The following ATG16L2 variants were observed in gnomAD, a reference collection of about 807,000 sequenced individuals.
The protein encoded by ATG16L2 is protein Atg16l2.
ATG16L2 carries 77 observed loss-of-function variants against 84.7 expected under a neutral mutation model. The observed-to-expected ratio is 0.91, with a 90% CI of 0.76 to 1.10. The LOEUF is 1.10. ATG16L2 is among the 50% of genes least tolerant of loss of function. The pLI is 0.00. For synonymous variants in ATG16L2, 361 were observed against 342.8 expected, an observed-to-expected ratio of 1.05 and a Z score of -0.59; for missense variants, 782 against 817.6, an observed-to-expected ratio of 0.96 and a Z score of 0.53.
intron 5 of ATG16L2, among the ~76,000 whole-genome samples, chr11:72,839,234 A>G (rs1860828069): frequency 2.6e-5 from 4 of 152,232 alleles, no homozygotes. Context: ...GTTACAAAAG[A>G]GAAGGCTAGA....
In ATG16L2 at chr11:72,826,608, G is replaced by A. The variant is rs200042497; in HGVS notation, c.1245+19G>A. ...GTCCAAGGTGAGGCCTGACTGGGGA[G>A]GCTGCCTGGAGGTCAGAGGTCATAC... On this transcript the variant is annotated intron_variant, in intron 12 of 17. Transcript: ENST00000321297. The A allele has an allele frequency of 3.6e-4, 575 of 1,614,126 alleles. 3 individuals carry two copies. The South Asian group carries it at 5.9e-3, about 17-fold the overall frequency.
Position 72,824,059 on chromosome 11 carries a change from G to C in ATG16L2, c.825-1G>C. On this transcript the variant is annotated splice_acceptor_variant, in intron 7 of 17. Transcript: ENST00000321297. LOFTEE classifies it high-confidence loss of function. ...GCATATCTCTCTTGGTTTTGTCTCA[G>C]GTCTGCCTCAGCCACCTCCCTGACG... 6.2e-7 allele frequency: 1 copy of C among 1,614,246 alleles called. No individual in the cohort carries two copies. The highest frequency in any genetic ancestry group is 1.3e-5 in the African/African-American group (1 of 75,066).
chr11:72,815,616 C>T (rs1859660697), intron 1 of ATG16L2, among the ~76,000 whole-genome samples: 1 of 151,522 alleles, frequency 6.6e-6, no homozygotes, highest in Non-Finnish European at 1.5e-5. Context: ...CAGATCACAT[C>T]GCTAAGCCTC....
At chr11:72,823,534 CTCT>C (rs1555033481) in intron 7 of ATG16L2, 1 of 398,734 alleles carries the variant, frequency 2.5e-6, no homozygotes, top group Non-Finnish European at 4.9e-6. Context: ...AGCCTAACAC[CTCT>C]TCTCAGTCTT....
chr11:72,826,239 C>T lies in ATG16L2; in HGVS notation c.1169C>T (p.Pro390Leu). The change falls in exon 11 of 18, where the codon CCC becomes CTC. Residue 390 changes from proline to leucine, a missense_variant. By Grantham distance (98) the Pro-to-Leu change is moderately conservative. Coordinates refer to ENST00000321297, the MANE Select transcript of ATG16L2 (RefSeq NM_033388.2). ...AGCATCACCAGTGTGGACTTTGACC[C>T]CTCGGTGAGGAACTCTGCCCCAGTG... ...GGSITSVDFD[P>L]SGYQVLAATY... 1 of 1,613,794 alleles carries T rather than the reference C, an allele frequency of 6.2e-7. No individual in the cohort carries two copies. Among genetic ancestry groups the T allele is most frequent in the Non-Finnish European group, 8.5e-7 (1 of 1,179,854 alleles).
exon 6 of ATG16L2, chr11:72,843,321 T>C: frequency 5.6e-6 from 9 of 1,613,448 alleles, no homozygotes; most frequent in Non-Finnish European, 6.8e-6. Context: ...GCCAACTTTA[T>C]TTCGAGCCTG....
intron 5 of ATG16L2, chr11:72,841,557 G>A (rs534623034): frequency 1.2e-6 from 2 of 1,610,262 alleles, no homozygotes; most frequent in Admixed American, 3.4e-5. Flanking sequence ...GAGGCAGGGA[G>A]GCGTGTGGCT....
At chr11:72,835,880 C>G (rs1860715396) in intron 5 of ATG16L2, among the ~76,000 whole-genome samples, 1 of 151,860 alleles carries the variant, frequency 6.6e-6, no homozygotes, top group Non-Finnish European at 1.5e-5. Flanking sequence ...TCCAGAGTAA[C>G]TGGGATTACA....
At chr11:72,829,090 C>A in intron 17 of ATG16L2, 106 bp downstream of exon 17, 1 of 1,245,696 alleles carries the variant, frequency 8.0e-7, no homozygotes, top group Non-Finnish European at 1.2e-6. Flanking sequence ...TGTCCCTCCA[C>A]CTTCCACCCG....
Position 72,826,736 on chromosome 11 carries a change from G to C in ATG16L2, c.1279G>C (p.Ala427Pro). 4 of 1,614,152 alleles carry C rather than the reference G, an allele frequency of 2.5e-6. No homozygotes were observed. Among genetic ancestry groups the C allele is most frequent in the Non-Finnish European group, 3.4e-6 (4 of 1,180,016 alleles). Residue 427 changes from alanine to proline, a missense_variant, in exon 13 of 18, where the codon GCT becomes CCT. Coordinates refer to ENST00000321297, the MANE Select transcript of ATG16L2 (RefSeq NM_033388.2). ...TLSGHKDKVT[A>P]AKFKLTRHQA... is the part of the protein sequence containing the mutation. ...GTCTGGACACAAGGATAAGGTGACA[G>C]CTGCCAAATTCAAGCTAACGAGGCA... is the stretch of plus-strand genomic sequence containing the variant.
chr11:72,816,832 G>A lies in ATG16L2; in HGVS notation c.218+5G>A, dbSNP rs1464598166. 1.5e-5 allele frequency: 25 copies of A among 1,612,968 alleles called. No homozygotes were observed. Among genetic ancestry groups the A allele is most frequent in the Non-Finnish European group, 2.0e-5 (24 of 1,179,028 alleles). The stretch of plus-strand genomic sequence containing the variant: ...CACCACCCACCAGGGCCCCTGGTAA[G>A]TGTATGTGGGTCCGTGGTCACAAAG... On this transcript the variant is annotated splice_donor_5th_base_variant and intron_variant, in intron 2 of 17. Transcript: ENST00000321297.
chr11:72,842,452 C>T (rs182991888), intron 5 of ATG16L2, among the ~76,000 whole-genome samples: 2 of 152,354 alleles, frequency 1.3e-5, no homozygotes, highest in East Asian at 3.9e-4. Flanking sequence ...CCACAAGGGA[C>T]TGACTGACAA....
At position 72,814,675 on chromosome 11, in the gene ATG16L2, G is replaced by T. The variant is rs905748365; in HGVS notation, c.118+112G>T. 7 of 805,698 alleles carry T rather than the reference G, an allele frequency of 8.7e-6. No individual in the cohort carries two copies. In the South Asian group the frequency reaches 9.6e-5, roughly 11 times the overall value. 49.9% of individuals were successfully genotyped at this position (805,698 alleles called of 1,614,324 possible). On this transcript the variant is annotated intron_variant, in intron 1 of 17. Coordinates refer to ENST00000321297, the MANE Select transcript of ATG16L2 (RefSeq NM_033388.2). ...GTGACCCGAGTGCGCTGTGCCTTAT[G>T]CCTTGAGCCTGTGCGTTACGCCCAT...
At chr11:72,842,936 C>A in exon 6 of ATG16L2, 1 of 1,001,594 alleles carries the variant, frequency 1.0e-6, no homozygotes, top group Non-Finnish European at 1.5e-6. Flanking sequence ...AAAAGAGCAT[C>A]ATACAGAATA....
intron 9 of ATG16L2, 120 bp from the exon 10 acceptor site, chr11:72,825,182 G>C (rs556681352): frequency 2.7e-6 from 2 of 744,884 alleles, no homozygotes; most frequent in South Asian, 1.6e-5. Context: ...AGAAACTGGG[G>C]AGGGAGATAC....
At chr11:72,824,894 C>A in intron 9 of ATG16L2, 52 bp downstream of exon 9, 1 of 1,467,740 alleles carries the variant, frequency 6.8e-7, no homozygotes, top group Non-Finnish European at 9.2e-7. Context: ...AGAGTGCAGG[C>A]ACAGGGGTGG....
At chr11:72,827,665 G>A (rs1450568709) in intron 14 of ATG16L2, among the ~76,000 whole-genome samples, 1 of 152,342 alleles carries the variant, frequency 6.6e-6, no homozygotes, top group Non-Finnish European at 1.5e-5. Context: ...GAGGCCAGGC[G>A]TGGTGGCTCA....
chr11:72,824,244 C>T, intron 8 of ATG16L2, 122 bp downstream of exon 8: 1 of 1,254,250 alleles, frequency 8.0e-7, no homozygotes, highest in African/African-American at 1.5e-5. Flanking sequence ...GCCTGTGAGT[C>T]TGTTGGGCCT....
Position 72,822,376 on chromosome 11 carries a change from G to A in ATG16L2, c.644+81G>A, listed in dbSNP as rs1276140503. 1.3e-6 allele frequency: 2 copies of A among 1,580,008 alleles called. No homozygotes were observed. The highest frequency in any genetic ancestry group is 8.6e-7 in the Non-Finnish European group (1 of 1,163,700). Reference sequence around the variant, plus strand: ...GTCGGGCCTCGCCGGTGTCTGGAAGGGAGGGGGGCAGCAGCCGCCCCCTGG... The same window carrying A: ...GTCGGGCCTCGCCGGTGTCTGGAAGAGAGGGGGGCAGCAGCCGCCCCCTGG... On this transcript the variant is annotated intron_variant, in intron 5 of 17. Transcript: ENST00000321297. The surrounding 1 kb of genome is among the most constrained non-coding windows in gnomAD (Gnocchi z 4.2).
Sources: gnomAD v4.1 joint callset for allele counts (sites outside exome capture counted in the v4.1 genomes callset) on GRCh38, gnomAD v4.1.1 for gene constraint, Gnocchi (gnomAD v3.1) non-coding constraint, MANE v1.5 for transcripts, NCBI Gene and HGNC (gene_info 2026-07-23, HGNC 2026-07-21) for gene names.